Variants in LMNTD1 observed in about 807,000 individuals in gnomAD.
The protein encoded by LMNTD1 is lamin tail domain-containing protein 1.
LMNTD1 carries 35 observed loss-of-function variants against 50.9 expected under a neutral mutation model. The observed-to-expected ratio is 0.69, with a 90% CI of 0.53 to 0.91. The LOEUF (loss-of-function observed/expected upper bound fraction) is 0.91. Among genes scored for constraint, LMNTD1 ranks in the 40% least tolerant of loss-of-function variants. The pLI is 0.00. For synonymous variants in LMNTD1, 153 were observed against 161.9 expected (o/e 0.94, Z 0.42); for missense variants, 470 against 475.5 (o/e 0.99, Z 0.11).
At chr12:25,509,790 A>G (rs1940116482) in intron 8 of LMNTD1, among the ~76,000 whole-genome samples, 1 of 152,232 alleles carries the variant, frequency 6.6e-6, no homozygotes, top group African/African-American at 2.4e-5. Flanking sequence ...ATGAAGACAG[A>G]GGCAGAAATT....
intron 1 of LMNTD1, among the ~76,000 whole-genome samples, chr12:25,560,115 C>A (rs1944236750): frequency 6.6e-6 from 1 of 152,306 alleles, no homozygotes; most frequent in Non-Finnish European, 1.5e-5. Flanking sequence ...GAAGTCCTTG[C>A]CGATGCCTAT....
intron 4 of LMNTD1, among the ~76,000 whole-genome samples, chr12:25,542,246 A>T (rs1943131423): frequency 6.6e-6 from 1 of 152,158 alleles, no homozygotes; most frequent in Admixed American, 6.5e-5. Context: ...ACTATAAATC[A>T]TGCTGGTATA....
chr12:25,613,221 T>C (rs1028634945), intron 1 of LMNTD1, among the ~76,000 whole-genome samples: 10 of 152,190 alleles, frequency 6.6e-5, no homozygotes, highest in African/African-American at 2.4e-4. Flanking sequence ...TTTGTTATAG[T>C]AGCAACAGAA....
intron 8 of LMNTD1, among the ~76,000 whole-genome samples, chr12:25,504,260 A>C (rs1256952144): frequency 1.3e-5 from 2 of 152,208 alleles, no homozygotes; most frequent in Admixed American, 1.3e-4. Context: ...AATTGGCTGC[A>C]TCAGGAGGGA....
At chr12:25,611,059 A>G (rs1397880969) in intron 1 of LMNTD1, among the ~76,000 whole-genome samples, 1 of 152,172 alleles carries the variant, frequency 6.6e-6, no homozygotes, top group Non-Finnish European at 1.5e-5. Context: ...AAGGAAAGTG[A>G]AGAGAACGAA....
intron 1 of LMNTD1, among the ~76,000 whole-genome samples, chr12:25,644,389 G>C (rs1250202471): frequency 6.6e-6 from 1 of 151,908 alleles, no homozygotes; most frequent in East Asian, 1.9e-4. Context: ...AGAGGGTGAG[G>C]TGGGAAGATT....
intron 9 of LMNTD1, among the ~76,000 whole-genome samples, chr12:25,484,601 CCACT>C (rs1938555582): frequency 6.7e-6 from 1 of 149,538 alleles, no homozygotes; most frequent in Admixed American, 6.7e-5. Flanking sequence ...TGCGCTGCAC[CCACT>C]AACTCATCAT....
At chr12:25,550,459 A>G (rs995821504) in intron 2 of LMNTD1, among the ~76,000 whole-genome samples, 4 of 151,874 alleles carry the variant, frequency 2.6e-5, no homozygotes, top group African/African-American at 9.7e-5. Flanking sequence ...TCCAATCCAA[A>G]CCCTTTATTT....
Position 25,503,718 on chromosome 12 carries a change from T to C in LMNTD1, c.*22+20A>G. On this transcript the variant is annotated intron_variant, in intron 9 of 9. Coordinates refer to ENST00000458174, the MANE Select transcript of LMNTD1 (RefSeq NM_001145728.2). Reference sequence around the variant, plus strand: ...ATTATTTTTCTGTGGAGAAAGCAAATTTGCAATACAGTTACTTACCTTTAA... The same window carrying C: ...ATTATTTTTCTGTGGAGAAAGCAAACTTGCAATACAGTTACTTACCTTTAA... 1 of 1,363,640 alleles carries C rather than the reference T, an allele frequency of 7.3e-7. No homozygotes were observed. The highest frequency in any genetic ancestry group is 1.2e-5 in the South Asian group (1 of 80,692). 84.5% of individuals were successfully genotyped at this position (1,363,640 alleles called of 1,614,324 possible).
chr12:25,647,359 C>T (rs2136640622), intron 1 of LMNTD1, among the ~76,000 whole-genome samples: 1 of 152,218 alleles, frequency 6.6e-6, no homozygotes, highest in South Asian at 2.1e-4. Context: ...GTGGCCTGTG[C>T]CTGTAGTCCT....
chr12:25,479,439 A>G (rs1440802109), intron 9 of LMNTD1, among the ~76,000 whole-genome samples: 1 of 152,178 alleles, frequency 6.6e-6, no homozygotes, highest in African/African-American at 2.4e-5. Flanking sequence ...AGCCTTCTGG[A>G]GAACTTTGCC....
chr12:25,497,398 C>T (rs1299982804), intron 9 of LMNTD1: 1 of 152,200 alleles, frequency 6.6e-6, no homozygotes, highest in South Asian at 2.1e-4. Flanking sequence ...CCCAATAAAA[C>T]CCTGCTTTAC....
At chr12:25,551,848 T>C (rs548910271) in intron 2 of LMNTD1, among the ~76,000 whole-genome samples, 28 of 152,336 alleles carry the variant, frequency 1.8e-4, no homozygotes, top group African/African-American at 6.5e-4. Context: ...GTTAGTTAAC[T>C]TTCCCTTAAG....
intron 1 of LMNTD1, among the ~76,000 whole-genome samples, chr12:25,644,262 G>A (rs1204847918): frequency 7.4e-6 from 1 of 135,366 alleles, no homozygotes; most frequent in African/African-American, 2.8e-5. Flanking sequence ...GATCACTTGA[G>A]CCCAGGAGTT....
intron 4 of LMNTD1, among the ~76,000 whole-genome samples, 162 bp from the exon 5 acceptor site, chr12:25,527,117 T>G (rs1481943619): frequency 1.3e-5 from 2 of 152,158 alleles, no homozygotes; most frequent in Non-Finnish European, 2.9e-5. Context: ...CTCAGACAAA[T>G]GGCTTGAGTT....
intron 1 of LMNTD1, among the ~76,000 whole-genome samples, chr12:25,617,952 T>G (rs1285637283): frequency 6.6e-6 from 1 of 152,132 alleles, no homozygotes; most frequent in Admixed American, 6.5e-5. Flanking sequence ...CTGTGAGAGG[T>G]AGGTGTCGTT....
chr12:25,518,769 C>G (rs770476748), intron 8 of LMNTD1, 26 bp downstream of exon 8: 2 of 1,611,100 alleles, frequency 1.2e-6, no homozygotes, highest in Admixed American at 3.3e-5. Context: ...GCACTCTCCA[C>G]TGGAACAAGC....
At chr12:25,499,657 C>A (rs1034199997) in intron 9 of LMNTD1, among the ~76,000 whole-genome samples, 18 of 151,864 alleles carry the variant, frequency 1.2e-4, no homozygotes, top group African/African-American at 4.4e-4. Flanking sequence ...TTGAGTAGTG[C>A]CTAATTATCT....
chr12:25,506,695 T>G (rs942583987), intron 8 of LMNTD1, among the ~76,000 whole-genome samples: 3 of 150,962 alleles, frequency 2.0e-5, no homozygotes, highest in Non-Finnish European at 2.9e-5. Context: ...CTTGCCTTTG[T>G]GCTCTAACAG....
Sources: allele counts gnomAD v4.1 joint callset (sites outside exome capture counted in the v4.1 genomes callset), GRCh38; gene constraint gnomAD v4.1.1; transcripts MANE v1.5; gene names NCBI Gene and HGNC (gene_info 2026-07-23, HGNC 2026-07-21).